The following ANKRD26 variants were observed in gnomAD, a reference collection of about 807,000 sequenced individuals.
ANKRD26 encodes ankyrin repeat domain 26, also known as ankyrin repeat domain-containing protein 26.
ANKRD26 carries 141 observed loss-of-function variants against 208.7 expected under a neutral mutation model. That is an observed-to-expected ratio of 0.68 (90% CI 0.59 to 0.78). The LOEUF is 0.78. Among genes scored for constraint, ANKRD26 ranks in the 30% least tolerant of loss-of-function variants. ANKRD26 has a pLI of 0.00. For missense variants in ANKRD26, 1,889 were observed against 1,938.7 expected (o/e 0.97, Z 0.48); for synonymous variants, 636 against 660.4 (o/e 0.96, Z 0.57).
chr10:26,948,428 G>A, the ANKRD26 span, among the ~76,000 whole-genome samples: 3 of 152,020 alleles, frequency 2.0e-5, no homozygotes, highest in Non-Finnish European at 4.4e-5. Flanking sequence ...GACTTCATTC[G>A]GGAAAAATAA....
In ANKRD26 at chr10:27,035,401, T is replaced by C. The variant is rs750399365; in HGVS notation, c.3049A>G (p.Ile1017Val). Residue 1017 changes from isoleucine (I) to valine (V), a missense_variant, in exon 24 of 34, where the codon ATA becomes GTA. Transcript: ENST00000376087. Reference protein sequence around the residue: ...ESYHSRLAAAIHDRDQSETSK... With the variant: ...ESYHSRLAAAVHDRDQSETSK... Reference sequence around the variant, plus strand: ...GTCTCACTTTGATCACGATCATGTATAGCAGCAGCCAATCTAGAATGGTAT... The same window carrying C: ...GTCTCACTTTGATCACGATCATGTACAGCAGCAGCCAATCTAGAATGGTAT... The C allele has an allele frequency of 6.2e-6, 10 of 1,614,018 alleles. No individual in the cohort carries two copies. The highest frequency in any genetic ancestry group is 1.1e-5 in the South Asian group (1 of 91,084).
At chr10:26,985,413 C>T (rs762573209) in intron 3 of ANKRD26, among the ~76,000 whole-genome samples, 8 of 152,164 alleles carry the variant, frequency 5.3e-5, no homozygotes, top group Admixed American at 3.3e-4. Context: ...ATTAGGTTCA[C>T]ATCATATTTC....
At chr10:27,053,520 A>G in intron 15 of ANKRD26, 130 bp from the exon 16 acceptor site, 1 of 650,360 alleles carries the variant, frequency 1.5e-6, no homozygotes, top group Non-Finnish European at 2.4e-6. Context: ...CTATTTGTTT[A>G]TGAGACAGGG....
intron 5 of ANKRD26, among the ~76,000 whole-genome samples, chr10:27,084,589 C>A (rs933095436): frequency 6.6e-6 from 1 of 152,100 alleles, no homozygotes; most frequent in East Asian, 1.9e-4. Flanking sequence ...CATTTCTGGC[C>A]AGGTGCGGTG....
chr10:27,019,640 G>GA (rs1268653705), intron 29 of ANKRD26, among the ~76,000 whole-genome samples: 3 of 152,112 alleles, frequency 2.0e-5, no homozygotes, highest in Non-Finnish European at 4.4e-5. Context: ...TAAATCTGGA[G>GA]AAAAAACTTT....
At chr10:26,987,588 G>A (rs764697316), downstream of ANKRD26, among the ~76,000 whole-genome samples, 3 of 152,148 alleles carry the variant, frequency 2.0e-5, no homozygotes, top group Non-Finnish European at 4.4e-5. Flanking sequence ...GGCATCTCCT[G>A]TAGGCCTGTC....
the ANKRD26 span, among the ~76,000 whole-genome samples, chr10:26,960,311 C>T: frequency 5.4e-4 from 83 of 152,300 alleles, no homozygotes; most frequent in African/African-American, 2.0e-3. Flanking sequence ...TCTTGGGGCC[C>T]TGAGCGAAGC....
intron 1 of ANKRD26, among the ~76,000 whole-genome samples, chr10:27,096,913 G>C (rs1237667376): frequency 2.0e-5 from 3 of 152,124 alleles, no homozygotes; most frequent in Non-Finnish European, 4.4e-5. Flanking sequence ...AACTAGCGGT[G>C]GTTCACGCCT....
intron 11 of ANKRD26, 22 bp from the exon 12 acceptor site, chr10:27,064,103 A>C (rs2055158530): frequency 6.7e-7 from 1 of 1,487,510 alleles, no homozygotes; most frequent in Non-Finnish European, 9.3e-7. Context: ...AGTATCAATA[A>C]TGAGTTTCAA....
At chr10:27,082,471 T>C (rs1296570237) in intron 6 of ANKRD26, among the ~76,000 whole-genome samples, 2 of 152,194 alleles carry the variant, frequency 1.3e-5, no homozygotes, top group Admixed American at 1.3e-4. Flanking sequence ...TGTAGGTCTC[T>C]GAATTGATCT....
chr10:27,080,067 G>T (rs535223443), intron 6 of ANKRD26: 3 of 405,996 alleles, frequency 7.4e-6, no homozygotes, highest in East Asian at 2.1e-4. Context: ...GGAGGCAGAA[G>T]AATTGTGTGA....
intron 12 of ANKRD26, chr10:27,062,181 C>T: frequency 1.0e-6 from 1 of 983,630 alleles, no homozygotes; most frequent in Non-Finnish European, 1.2e-6. Context: ...ATGGAACATT[C>T]TCAGCACTTC....
chr10:27,084,218 C>CAAAAAA (rs1275450082), intron 5 of ANKRD26, among the ~76,000 whole-genome samples: 1 of 82,454 alleles, frequency 1.2e-5, no homozygotes, highest in East Asian at 2.7e-4. Flanking sequence ...AACTACATCT[C>CAAAAAA]AAAAAAAAAA....
chr10:27,014,509 G>T lies in ANKRD26; in HGVS notation c.4709C>A (p.Ser1570Ter). ...TTTGACTTACTTGGTTAGTTTACTT[G>T]ACAAAGATTTTCTAACTTTTAATTC... ...LEELKVRKSL[S>*]SKLTKTNERL... Residue 1570 changes from serine (S) to a stop codon, truncating the protein, a stop_gained, in exon 31 of 34, where the codon TCA becomes TAA. Transcript: ENST00000376087. LOFTEE classifies it high-confidence loss of function. 1.3e-6 allele frequency: 2 copies of T among 1,578,570 alleles called. No individual in the cohort carries two copies. Among genetic ancestry groups the T allele is most frequent in the East Asian group, 2.2e-5 (1 of 44,528 alleles).
downstream of ANKRD26, among the ~76,000 whole-genome samples, chr10:27,000,589 G>T (rs1301492328): frequency 6.6e-6 from 1 of 152,152 alleles, no homozygotes; most frequent in Non-Finnish European, 1.5e-5. Context: ...ATAAAATACA[G>T]ATTTTACTTC....
chr10:27,010,820 T>G (rs948584994), intron 32 of ANKRD26, among the ~76,000 whole-genome samples: 2 of 152,184 alleles, frequency 1.3e-5, no homozygotes, highest in African/African-American at 4.8e-5. Flanking sequence ...CACAAGTATT[T>G]GACATTCATT....
chr10:27,079,366 C>T (rs1447535690), intron 6 of ANKRD26, among the ~76,000 whole-genome samples: 1 of 152,166 alleles, frequency 6.6e-6, no homozygotes, highest in Admixed American at 6.5e-5. Flanking sequence ...CCAATTGCTG[C>T]CTCTACCTCT....
chr10:27,045,930 T>G (rs905669583), intron 18 of ANKRD26, among the ~76,000 whole-genome samples: 4 of 152,206 alleles, frequency 2.6e-5, no homozygotes, highest in African/African-American at 7.2e-5. Context: ...CTTTAAAAGA[T>G]AATGGATCAA....
the ANKRD26 span, among the ~76,000 whole-genome samples, chr10:26,957,759 G>T: frequency 2.6e-5 from 4 of 152,126 alleles, no homozygotes; most frequent in African/African-American, 4.8e-5. Context: ...AGTATCATAG[G>T]GTTGGTGTAG....
Sources: gnomAD v4.1 joint callset for allele counts (sites outside exome capture counted in the v4.1 genomes callset) on GRCh38, gnomAD v4.1.1 for gene constraint, MANE v1.5 for transcripts, NCBI Gene and HGNC (gene_info 2026-07-23, HGNC 2026-07-21) for gene names.